The following PTPRA variants were observed in gnomAD, a reference collection of about 807,000 sequenced individuals.
The protein encoded by PTPRA is receptor-type tyrosine-protein phosphatase alpha.
A neutral mutation model predicts 104.8 loss-of-function variants in PTPRA; 25 were observed. That is an observed-to-expected ratio of 0.24 (90% confidence interval 0.17 to 0.33). PTPRA has a LOEUF of 0.33. Among genes scored for constraint, PTPRA ranks in the 10% least tolerant of loss-of-function variants. PTPRA has a pLI of 1.00. For missense variants in PTPRA, 765 were observed against 1,015.3 expected, an observed-to-expected ratio of 0.75 and a Z score of 3.35; for synonymous variants, 323 against 368.9, an observed-to-expected ratio of 0.88 and a Z score of 1.43.
At chr20:2,919,040 C>G (rs909295184) in intron 1 of PTPRA, among the ~76,000 whole-genome samples, 2 of 152,012 alleles carry the variant, frequency 1.3e-5, no homozygotes, top group Non-Finnish European at 2.9e-5. Flanking sequence ...TATATAATAC[C>G]TGTTTTTATT....
At chr20:2,889,396 G>C (rs1479636015) in intron 1 of PTPRA, among the ~76,000 whole-genome samples, 1 of 152,158 alleles carries the variant, frequency 6.6e-6, no homozygotes, top group Non-Finnish European at 1.5e-5. Flanking sequence ...TCCTTGACAG[G>C]TCAGAGTTAC....
intron 9 of PTPRA, among the ~76,000 whole-genome samples, chr20:3,000,976 A>G (rs949870261): frequency 1.3e-5 from 2 of 152,226 alleles, no homozygotes; most frequent in Non-Finnish European, 2.9e-5. Context: ...TTTTTAAAAA[A>G]TAAATATCAA....
chr20:2,876,582 C>A (rs983054048), intron 1 of PTPRA, among the ~76,000 whole-genome samples: 3 of 152,218 alleles, frequency 2.0e-5, no homozygotes, highest in Non-Finnish European at 4.4e-5. Flanking sequence ...TGTACTGTAA[C>A]ATCTTTGGGT....
the PTPRA span, chr20:2,864,474 G>A: frequency 1.2e-6 from 2 of 1,614,124 alleles, no homozygotes; most frequent in Admixed American, 1.7e-5. This position sits in a 1 kb window ranked among gnomAD's most constrained non-coding sequence, Gnocchi z 5.2. Context: ...TGTGTGTAGT[G>A]GGCAGGGTTG....
chr20:2,867,149 CAG>C, the PTPRA span, among the ~76,000 whole-genome samples: 2 of 152,200 alleles, frequency 1.3e-5, no homozygotes, highest in Non-Finnish European at 2.9e-5. Flanking sequence ...TGTGGCAAAA[CAG>C]GGATTTGAAA....
intron 2 of PTPRA, among the ~76,000 whole-genome samples, chr20:2,938,048 G>A (rs191781929): frequency 4.1e-4 from 62 of 152,218 alleles, no homozygotes; most frequent in Middle Eastern, 3.4e-3. Context: ...GCTGAGTGTG[G>A]TGGCTCATGC....
chr20:2,879,219 C>T (rs1295622298), intron 1 of PTPRA, among the ~76,000 whole-genome samples: 1 of 152,202 alleles, frequency 6.6e-6, no homozygotes, highest in East Asian at 1.9e-4. Context: ...TTTGTGAAGG[C>T]CCTGAGCTGA....
intron 2 of PTPRA, among the ~76,000 whole-genome samples, chr20:2,939,737 TC>T (rs1208057774): frequency 6.6e-6 from 1 of 152,190 alleles, no homozygotes; most frequent in Non-Finnish European, 1.5e-5. Flanking sequence ...CCCTAGCCAA[TC>T]TACCTTCTTT....
intron 11 of PTPRA, 140 bp from the exon 12 acceptor site, chr20:3,015,709 G>A (rs972141320): frequency 1.5e-6 from 1 of 663,138 alleles, no homozygotes; most frequent in Non-Finnish European, 2.6e-6. Flanking sequence ...CTAATCCCTT[G>A]TGAATATCTA....
intron 1 of PTPRA, among the ~76,000 whole-genome samples, chr20:2,903,687 T>A (rs1391344996): frequency 6.6e-6 from 1 of 151,678 alleles, no homozygotes; most frequent in African/African-American, 2.4e-5. Flanking sequence ...GACCCCAACT[T>A]AAAAAAAAGA....
At chr20:2,864,718 CCTT>C in the PTPRA span, 1 of 1,548,184 alleles carries the variant, frequency 6.5e-7, no homozygotes, top group Non-Finnish European at 8.9e-7. This position sits in a 1 kb window ranked among gnomAD's most constrained non-coding sequence, Gnocchi z 5.2. Flanking sequence ...TGGTCCGGTT[CCTT>C]CAGGAATCTA....
At chr20:3,030,154 G>A (rs2065361189) in intron 20 of PTPRA, among the ~76,000 whole-genome samples, 1 of 152,180 alleles carries the variant, frequency 6.6e-6, no homozygotes, top group Admixed American at 6.5e-5. Context: ...GTGGCCCAGT[G>A]AACATCTCCG....
chr20:2,937,871 A>C (rs1484663667), intron 2 of PTPRA, among the ~76,000 whole-genome samples: 1 of 152,228 alleles, frequency 6.6e-6, no homozygotes. Context: ...CAGCATTTGA[A>C]AAATATTGTA....
intron 16 of PTPRA, among the ~76,000 whole-genome samples, chr20:3,023,667 C>T (rs2064994446): frequency 6.6e-6 from 1 of 152,194 alleles, no homozygotes; most frequent in Non-Finnish European, 1.5e-5. Context: ...CCCACCATTA[C>T]CCTATAGTCC....
intron 11 of PTPRA, among the ~76,000 whole-genome samples, chr20:3,012,343 G>A (rs114921296): frequency 0.012 from 1,789 of 152,322 alleles, 40 homozygotes; most frequent in African/African-American, 0.041. Context: ...ACAAGGAAGC[G>A]GCGACAAAGT....
At chr20:2,879,600 G>T (rs938665819) in intron 1 of PTPRA, among the ~76,000 whole-genome samples, 2 of 152,170 alleles carry the variant, frequency 1.3e-5, no homozygotes, top group African/African-American at 4.8e-5. Flanking sequence ...ATTGGTCTCA[G>T]TTGGGGCCTG....
chr20:3,033,386 A>G (rs2065619208), intron 20 of PTPRA, among the ~76,000 whole-genome samples: 1 of 151,904 alleles, frequency 6.6e-6, no homozygotes, highest in African/African-American at 2.4e-5. Flanking sequence ...TGATACAGGC[A>G]GAGCCTCCCC....
chr20:2,872,890 C>T (rs897991150), upstream of PTPRA, among the ~76,000 whole-genome samples: 7 of 152,202 alleles, frequency 4.6e-5, no homozygotes, highest in Admixed American at 2.0e-4. The surrounding 1 kb of genome is among the most constrained non-coding windows in gnomAD (Gnocchi z 7.9). Context: ...GCGAGCGGGG[C>T]CCCAGCATGC....
At chr20:3,006,500 G>A (rs1297480835) in intron 10 of PTPRA, among the ~76,000 whole-genome samples, 4 of 151,926 alleles carry the variant, frequency 2.6e-5, no homozygotes, top group Non-Finnish European at 5.9e-5. Flanking sequence ...TATATTTCAG[G>A]GTATATCATA....
Sources: allele counts gnomAD v4.1 joint callset (sites outside exome capture counted in the v4.1 genomes callset), GRCh38; gene constraint gnomAD v4.1.1; non-coding constraint Gnocchi (gnomAD v3.1); transcripts MANE v1.5; gene names NCBI Gene and HGNC (gene_info 2026-07-23, HGNC 2026-07-21).